MYO1H: variants seen among roughly 807,000 people sequenced by gnomAD.
MYO1H encodes myosin IH, also known as unconventional myosin-Ih.
MYO1H carries 118 observed loss-of-function variants against 149.3 expected under a neutral mutation model. The observed-to-expected ratio is 0.79, with a 90% confidence interval of 0.68 to 0.92. The LOEUF is 0.92. MYO1H is among the 40% of genes least tolerant of loss of function. The pLI is 0.00. For missense variants in MYO1H, 1,212 were observed against 1,280.7 expected (o/e 0.95, Z 0.82); for synonymous variants, 447 against 465.2 (o/e 0.96, Z 0.50).
the MYO1H span, among the ~76,000 whole-genome samples, chr12:109,321,767 T>C: frequency 6.6e-6 from 1 of 152,202 alleles, no homozygotes; most frequent in African/African-American, 2.4e-5. Flanking sequence ...GCAAAGATTG[T>C]ACAGCCTGAT....
At chr12:109,353,981 A>T (rs1278431953) in intron 1 of MYO1H, 1 of 152,168 alleles carries the variant, frequency 6.6e-6, no homozygotes, top group Non-Finnish European at 1.5e-5. Flanking sequence ...GAGCAGTGGG[A>T]TTATGAATGA....
intron 1 of MYO1H, among the ~76,000 whole-genome samples, chr12:109,350,644 A>G (rs771130971): frequency 6.6e-6 from 1 of 152,216 alleles, no homozygotes; most frequent in Non-Finnish European, 1.5e-5. Context: ...CTGTCAGATA[A>G]TGAGGAAGAG....
intron 7 of MYO1H, among the ~76,000 whole-genome samples, chr12:109,404,658 C>T (rs1284276775): frequency 6.6e-6 from 1 of 152,140 alleles, no homozygotes; most frequent in African/African-American, 2.4e-5. Flanking sequence ...TTTTATCTGG[C>T]AACTCTAAGT....
the MYO1H span, among the ~76,000 whole-genome samples, chr12:109,341,918 G>A: frequency 3.9e-5 from 6 of 152,240 alleles, no homozygotes; most frequent in East Asian, 1.2e-3. Flanking sequence ...GTAGGCTGCT[G>A]CAGGCTGTGG....
exon 24 of MYO1H, chr12:109,439,752 G>C (rs1162835918): frequency 6.2e-7 from 1 of 1,613,942 alleles, no homozygotes; most frequent in Admixed American, 1.7e-5. Flanking sequence ...GACTGTCCTG[G>C]ACAAGAGCTG....
chr12:109,440,280 TCCGC>T lies in MYO1H; in HGVS notation c.2455-462_2455-459del, dbSNP rs563264451. 3.7e-3 allele frequency among the ~76,000 whole-genome samples: 560 copies of T among 152,212 alleles called. 7 individuals carry two copies. Among genetic ancestry groups the T allele is most frequent in the African/African-American group, 0.013 (534 of 41,532 alleles). On this transcript the variant is annotated intron_variant, in intron 24 of 31. Coordinates refer to ENST00000310903, the Ensembl canonical transcript of MYO1H. ...CGAACTCCTGACCTCAAATGATCTGTCCGCCTCAGCCTCCCAAAGTGCTGGGATT... is the reference window on the plus strand; with the variant it reads ...CGAACTCCTGACCTCAAATGATCTGTCTCAGCCTCCCAAAGTGCTGGGATT...
At chr12:109,335,425 C>T in the MYO1H span, among the ~76,000 whole-genome samples, 20 of 152,120 alleles carry the variant, frequency 1.3e-4, no homozygotes, top group Non-Finnish European at 2.4e-4. Flanking sequence ...CATGATTCAA[C>T]CATCTCCCAC....
At chr12:109,371,226 T>C (rs902641980) in intron 1 of MYO1H, among the ~76,000 whole-genome samples, 11 of 148,660 alleles carry the variant, frequency 7.4e-5, no homozygotes, top group Non-Finnish European at 1.2e-4. Context: ...TTTTTTTTTT[T>C]TTTTTTTGAA....
the MYO1H span, among the ~76,000 whole-genome samples, chr12:109,313,034 G>A: frequency 6.6e-6 from 1 of 151,940 alleles, no homozygotes; most frequent in Non-Finnish European, 1.5e-5. Flanking sequence ...GAGCTCAGGA[G>A]TTCGAGACCA....
the MYO1H span, among the ~76,000 whole-genome samples, chr12:109,323,777 A>G: frequency 6.6e-6 from 1 of 152,164 alleles, no homozygotes. Flanking sequence ...AAGAACGTCT[A>G]TTCCTTATTG....
the MYO1H span, among the ~76,000 whole-genome samples, chr12:109,337,639 C>T: frequency 6.6e-6 from 1 of 152,068 alleles, no homozygotes; most frequent in East Asian, 1.9e-4. Context: ...AGACCTGCCC[C>T]CATGATTCAA....
chr12:109,412,075 C>T, intron 14 of MYO1H, 90 bp downstream of exon 14: 2 of 820,160 alleles, frequency 2.4e-6, no homozygotes, highest in Non-Finnish European at 3.8e-6. Flanking sequence ...TTCAAGAGAA[C>T]AACTACTTCA....
At chr12:109,316,129 G>C in the MYO1H span, among the ~76,000 whole-genome samples, 4 of 117,252 alleles carry the variant, frequency 3.4e-5, no homozygotes, top group Non-Finnish European at 4.8e-5. Context: ...TCCTCTGCAT[G>C]CTTCAAGCCA....
At chr12:109,313,773 A>AT in the MYO1H span, among the ~76,000 whole-genome samples, 2,124 of 150,208 alleles carry the variant, frequency 0.014, 52 homozygotes, top group African/African-American at 0.049. Flanking sequence ...TTGCAAGAGC[A>AT]TTTTTTTTTT....
chr12:109,333,274 C>A, the MYO1H span, among the ~76,000 whole-genome samples: 14 of 151,952 alleles, frequency 9.2e-5, no homozygotes, highest in African/African-American at 3.1e-4. Flanking sequence ...GAGCTGAGAC[C>A]GCACCATCGC....
chr12:109,337,219 C>G, the MYO1H span, among the ~76,000 whole-genome samples: 1 of 152,166 alleles, frequency 6.6e-6, no homozygotes, highest in Non-Finnish European at 1.5e-5. Context: ...TTTTTTTCCC[C>G]TTTCTACTCT....
intron 24 of MYO1H, among the ~76,000 whole-genome samples, chr12:109,440,349 C>A (rs545163449): frequency 1.3e-5 from 2 of 152,136 alleles, no homozygotes; most frequent in Non-Finnish European, 2.9e-5. Context: ...AGAGTACTTT[C>A]GAATCATTTC....
rs556070676 is a variant in MYO1H at position 109,393,400 on chromosome 12, A to G, written c.244A>G (p.Met82Val). The change falls in exon 3 of 32, where the codon ATG (methionine) becomes GTG (valine). Residue 82 changes from methionine to valine, a missense_variant. By Grantham distance (21) the Met-to-Val change is conservative. Transcript: ENST00000310903. Reference sequence around the variant, plus strand: ...GCTCGGAATCTACACTGTGAGCCAGATGGAACTTTATCAAGGGGTCAATTT... The same window carrying G: ...GCTCGGAATCTACACTGTGAGCCAGGTGGAACTTTATCAAGGGGTCAATTT... 1.9e-5 allele frequency: 30 copies of G among 1,588,784 alleles called. No individual in the cohort carries two copies. The South Asian group carries it at 3.4e-4, about 18-fold the overall frequency.
chr12:109,354,666 C>T (rs772846541), intron 1 of MYO1H, among the ~76,000 whole-genome samples: 30 of 151,600 alleles, frequency 2.0e-4, no homozygotes, highest in African/African-American at 7.3e-5. Flanking sequence ...CTGCAATTCC[C>T]GGGTTACCAC....
Sources: allele counts gnomAD v4.1 joint callset (sites outside exome capture counted in the v4.1 genomes callset), GRCh38; gene constraint gnomAD v4.1.1; transcripts MANE v1.5; gene names NCBI Gene and HGNC (gene_info 2026-07-23, HGNC 2026-07-21).